The following OTC variants were observed in gnomAD, a reference collection of about 807,000 sequenced individuals.
OTC encodes the protein ornithine transcarbamylase, mitochondrial.
Under a neutral mutation model 30.3 loss-of-function variants are expected in OTC, and 3 were observed. The ratio of observed to expected loss-of-function variants is 0.10; its 90% CI spans 0.05 to 0.26. The LOEUF (loss-of-function observed/expected upper bound fraction) is 0.26. Ranked by LOEUF, OTC falls within the 10% of genes least tolerant of loss-of-function variation. OTC has a pLI of 1.00. For synonymous variants in OTC, 111 were observed against 99.7 expected (o/e 1.11, Z -0.67); for missense variants, 194 against 260.3 (o/e 0.75, Z 1.75).
At chrX:38,356,894 T>G (rs1445069476) in intron 1 of OTC, among the ~76,000 whole-genome samples, 1 of 112,130 alleles carries the variant, frequency 8.9e-6, no homozygotes, top group Non-Finnish European at 1.9e-5. Flanking sequence ...TTATTGTTAA[T>G]AAGCATAAAT....
intron 5 of OTC, 36 bp from the exon 6 acceptor site, chrX:38,403,582 G>A (rs200101557): frequency 1.1e-4 from 134 of 1,199,832 alleles, no homozygotes; most frequent in South Asian, 5.5e-4. Context: ...GCGAATTTAC[G>A]CCTGGATTTC....
rs1192195684 is a variant in OTC, at chrX:38,396,830, G to A, written c.387-4445G>A. ...CATTTAACTAAGTTAGTATTTTGGA[G>A]TAAATGGTTATTATCGTTTTCCTCA... On this transcript the variant is annotated intron_variant, in intron 4 of 9. Transcript: ENST00000039007. Among the ~76,000 whole-genome samples the A allele has an allele frequency of 3.6e-5, 4 of 111,705 alleles. No homozygotes were observed. The East Asian group carries it at 1.1e-3, about 31-fold the overall frequency.
chrX:38,330,245 G>C, the OTC span, among the ~76,000 whole-genome samples: 1 of 112,004 alleles, frequency 8.9e-6, no homozygotes, highest in Non-Finnish European at 1.9e-5. Context: ...AGCCGGGAAA[G>C]GCAAGGAAGT....
chrX:38,418,718 A>T (rs2068581397), intron 9 of OTC, among the ~76,000 whole-genome samples: 1 of 111,420 alleles, frequency 9.0e-6, no homozygotes, highest in Non-Finnish European at 1.9e-5. Context: ...GTCTCACGAG[A>T]TCTGATGGTT....
At position 38,401,429 on chromosome X, in the gene OTC, G is replaced by A. The variant is rs72556288; in HGVS notation, c.540+1G>A. 1 of 1,200,949 alleles carries A rather than the reference G, an allele frequency of 8.3e-7. No individual in the cohort carries two copies. The highest frequency in any genetic ancestry group is 1.1e-6 in the Non-Finnish European group (1 of 885,772). On this transcript the variant is annotated splice_donor_variant, in intron 5 of 9. Coordinates refer to ENST00000039007, the MANE Select transcript of OTC (RefSeq NM_000531.6). LOFTEE classifies it high-confidence loss of function. ...CCTGGCTGATTACCTCACGCTCCAG[G>A]TTGGTTTATTTATTTGTCTTACAAA...
the OTC span, among the ~76,000 whole-genome samples, chrX:38,341,981 T>C: frequency 9.4e-6 from 1 of 106,397 alleles, no homozygotes; most frequent in African/African-American, 3.4e-5. Flanking sequence ...TATTTTATTT[T>C]ATTTAAATTT....
chrX:38,385,002 C>A (rs1345449088), intron 4 of OTC, among the ~76,000 whole-genome samples: 1 of 111,390 alleles, frequency 9.0e-6, no homozygotes, highest in Non-Finnish European at 1.9e-5. Context: ...CGGTGGCTCA[C>A]GTCTGTAATC....
chrX:38,338,968 A>G, the OTC span, among the ~76,000 whole-genome samples: 2 of 112,169 alleles, frequency 1.8e-5, no homozygotes, highest in African/African-American at 6.5e-5. Flanking sequence ...AGACTGGATC[A>G]TGTGCCCATG....
At chrX:38,356,148 A>G (rs1393546214) in intron 1 of OTC, among the ~76,000 whole-genome samples, 1 of 110,801 alleles carries the variant, frequency 9.0e-6, no homozygotes, top group East Asian at 2.8e-4. Flanking sequence ...TTCCTTGGCC[A>G]ACAGTGGAAT....
chrX:38,399,811 C>T (rs996449361), intron 4 of OTC, among the ~76,000 whole-genome samples: 1 of 111,369 alleles, frequency 9.0e-6, no homozygotes, highest in African/African-American at 3.3e-5. Context: ...AACCCCTTGT[C>T]TTAGTCCACC....
intron 3 of OTC, 40 bp downstream of exon 3, chrX:38,369,917 G>A (rs188440490): frequency 3.1e-6 from 3 of 961,648 alleles, no homozygotes; most frequent in Non-Finnish European, 4.5e-6. Context: ...TTGAAGAGAG[G>A]GATTGAAGGT....
chrX:38,395,607 G>T, intron 4 of OTC: 1 of 147,610 alleles, frequency 6.8e-6, no homozygotes, highest in Non-Finnish European at 1.5e-5. Context: ...CACACAACAT[G>T]CTCACAGTTC....
Position 38,352,853 on chromosome X carries a change from T to G in OTC, c.77+80T>G. ...ACTATATTCTGCAGTAAGGCCTCTTTCTGCAGAATGTAGTGCCACGCTCTG... is the reference window on the plus strand; with the variant it reads ...ACTATATTCTGCAGTAAGGCCTCTTGCTGCAGAATGTAGTGCCACGCTCTG... On this transcript the variant is annotated intron_variant, in intron 1 of 9. Transcript: ENST00000039007. 22 of 705,139 alleles carry G rather than the reference T, an allele frequency of 3.1e-5. No homozygotes were observed. In the South Asian group the frequency reaches 4.8e-4, roughly 15 times the overall value. 58.1% of individuals were successfully genotyped at this position (705,139 alleles called of 1,213,427 possible).
intron 3 of OTC, among the ~76,000 whole-genome samples, chrX:38,373,172 G>A (rs1032864364): frequency 8.9e-6 from 1 of 112,309 alleles, no homozygotes; most frequent in African/African-American, 3.2e-5. Context: ...GCACCCAGAA[G>A]CTTCCCACTA....
At chrX:38,358,176 A>AACTT (rs2068251491) in intron 1 of OTC, among the ~76,000 whole-genome samples, 1 of 110,577 alleles carries the variant, frequency 9.0e-6, no homozygotes, top group Non-Finnish European at 1.9e-5. Flanking sequence ...CTCTAGGGGG[A>AACTT]ACTTAATAGC....
the OTC span, among the ~76,000 whole-genome samples, chrX:38,331,140 C>T: frequency 8.9e-6 from 1 of 112,016 alleles, no homozygotes; most frequent in African/African-American, 3.2e-5. Flanking sequence ...GTCAATAAAC[C>T]TATAAAAATA....
intron 1 of OTC, among the ~76,000 whole-genome samples, chrX:38,364,791 CA>C (rs59159746): frequency 9.5e-4 from 94 of 98,955 alleles, no homozygotes; most frequent in Middle Eastern, 0.01. Flanking sequence ...GACTCCATCT[CA>C]AAAAAAAAAA....
At position 38,401,417 on chromosome X, in the gene OTC, C is replaced by T. The variant is rs148961194; in HGVS notation, c.529C>T (p.Leu177Phe). The T allele has an allele frequency of 2.2e-5, 26 of 1,204,404 alleles. No individual in the cohort carries two copies. In the African/African-American group the frequency reaches 3.1e-4, roughly 15 times the overall value. ...YHPIQILADY[L>F]TLQEHYSSLK... ...TCCTATCCAGATCCTGGCTGATTAC[C>T]TCACGCTCCAGGTTGGTTTATTTAT... The change falls in exon 5 of 10, where the codon CTC becomes TTC. Residue 177 changes from leucine (L) to phenylalanine (F), a missense_variant. By Grantham distance (22) the Leu-to-Phe change is conservative. Coordinates refer to ENST00000039007, the MANE Select transcript of OTC (RefSeq NM_000531.6).
At chrX:38,370,649 C>T (rs2068318840) in intron 3 of OTC, among the ~76,000 whole-genome samples, 1 of 111,389 alleles carries the variant, frequency 9.0e-6, no homozygotes, top group Admixed American at 9.6e-5. Context: ...GAAGAGCTGG[C>T]CTCTCCTGTT....
Sources: gnomAD v4.1 joint callset for allele counts (sites outside exome capture counted in the v4.1 genomes callset) on GRCh38, gnomAD v4.1.1 for gene constraint, MANE v1.5 for transcripts, NCBI Gene and HGNC (gene_info 2026-07-23, HGNC 2026-07-21) for gene names.